Variants in ZNF888 observed in about 807,000 individuals in gnomAD.
ZNF888 encodes the protein CTD-2331H12.6.
A neutral mutation model predicts 7.2 loss-of-function variants in ZNF888; 5 were observed. The observed-to-expected ratio is 0.70, with a 90% CI of 0.36 to 1.46. The LOEUF is 1.46. ZNF888 is among the 40% of genes most tolerant of loss of function. The pLI, the probability that ZNF888 is intolerant of heterozygous loss-of-function variation, is 0.03. For synonymous variants in ZNF888, 240 were observed against 284.3 expected, an observed-to-expected ratio of 0.84 and a Z score of 1.57; for missense variants, 716 against 858.0, an observed-to-expected ratio of 0.83 and a Z score of 2.07.
chr19:52,923,252 C>G, intron 1 of ZNF888, 117 bp downstream of exon 1: 2 of 974,076 alleles, frequency 2.1e-6, no homozygotes, highest in Non-Finnish European at 2.4e-6. Context: ...TCTCCATTTG[C>G]TCTTGTTGAA....
At chr19:52,919,688 C>G (rs564244455) in intron 1 of ZNF888, among the ~76,000 whole-genome samples, 1 of 62,228 alleles carries the variant, frequency 1.6e-5, no homozygotes, top group African/African-American at 5.3e-5. Context: ...GCCTCTTCCC[C>G]GCCGCCATCC....
chr19:52,908,883 A>G (rs1320111583), intron 4 of ZNF888, among the ~76,000 whole-genome samples: 1 of 148,604 alleles, frequency 6.7e-6, no homozygotes. Context: ...TTGGTGGCCC[A>G]CACCAGTAAT....
In ZNF888 at chr19:52,906,221, C is replaced by T; in HGVS notation, c.2101G>A (p.Ala701Thr). 1 of 1,609,808 alleles carries T rather than the reference C, an allele frequency of 6.2e-7. No individual in the cohort carries two copies. Among genetic ancestry groups the T allele is most frequent in the Non-Finnish European group, 8.5e-7 (1 of 1,177,634 alleles). The change falls in exon 5 of 5, where the codon GCA becomes ACA. Residue 701 changes from alanine (A) to threonine (T), a missense_variant. Physicochemically the swap from Ala to Thr is moderately conservative, Grantham distance 58. Coordinates refer to ENST00000638862, the MANE Select transcript of ZNF888 (RefSeq NM_001393938.1). The part of the protein sequence containing the change: ...KCSECGKAFR[A>T]QSTLIHHQAI... The stretch of plus-strand genomic sequence containing the variant: ...TGATGGTGAATAAGTGTTGACTGTG[C>T]ACGAAAGGCTTTGCCACACTCACTA...
Position 52,906,201 on chromosome 19 carries a change from G to A in ZNF888, c.2121C>T (p.His707=). The A allele has an allele frequency of 1.2e-6, 2 of 1,610,626 alleles. No homozygotes were observed. Among genetic ancestry groups the A allele is most frequent in the Non-Finnish European group, 1.7e-6 (2 of 1,178,006 alleles). ...TCCCTACACCATGGATTGCCTGATGGTGAATAAGTGTTGACTGTGCACGAA... is the reference window on the plus strand; with the variant it reads ...TCCCTACACCATGGATTGCCTGATGATGAATAAGTGTTGACTGTGCACGAA... ...KAFRAQSTLI[H]HQAIHGVGKL... is the part of the protein sequence containing the mutation. The change falls in exon 5 of 5, where the codon CAC becomes CAT. Residue 707 remains histidine (H), a synonymous_variant. Coordinates refer to ENST00000638862, the MANE Select transcript of ZNF888 (RefSeq NM_001393938.1).
intron 4 of ZNF888, among the ~76,000 whole-genome samples, chr19:52,908,783 T>TGGTAAAC (rs2064641257): frequency 6.8e-6 from 1 of 147,840 alleles, no homozygotes. Flanking sequence ...GAGGCAAAGG[T>TGGTAAAC]TGCAGTGAGC....
At chr19:52,916,615 C>CATATACATATACATATACATAT (rs374760326) in intron 3 of ZNF888, among the ~76,000 whole-genome samples, 27 of 131,430 alleles carry the variant, frequency 2.1e-4, no homozygotes, top group African/African-American at 7.6e-4. Flanking sequence ...TATACATATA[C>CATATACATATACATATACATAT]ATATATATAT....
chr19:52,911,336 T>A (rs948703689), intron 4 of ZNF888, among the ~76,000 whole-genome samples: 1 of 134,064 alleles, frequency 7.5e-6, no homozygotes, highest in Non-Finnish European at 1.6e-5. Flanking sequence ...CTTTTTGTTT[T>A]CTTTTCTTTT....
intron 4 of ZNF888, among the ~76,000 whole-genome samples, chr19:52,910,018 C>T (rs965897473): frequency 3.3e-5 from 5 of 150,860 alleles, no homozygotes; most frequent in East Asian, 2.0e-4. Flanking sequence ...AAAAATTAGC[C>T]GGGCGTGTAA....
chr19:52,905,444 T>TTAAA lies in ZNF888; in HGVS notation c.*720_*721insTTTA, dbSNP rs535149698. The TTAAA allele has an allele frequency of 6.6e-6, 1 of 150,942 alleles. No homozygotes were observed. Among genetic ancestry groups the TTAAA allele is most frequent in the African/African-American group, 2.6e-5 (1 of 38,128 alleles). 9.4% of individuals were successfully genotyped at this position (150,942 alleles called of 1,614,324 possible). On this transcript the variant is annotated 3_prime_UTR_variant, in exon 5 of 5. Transcript: ENST00000638862. The stretch of plus-strand genomic sequence containing the variant: ...CTCAGCTTGCCTGCACCCAGGTGAT[T>TTAAA]AAAAAAAAAAAAAATCTGTATCTGT...
chr19:52,921,511 T>C (rs1417110441), intron 1 of ZNF888, among the ~76,000 whole-genome samples: 1 of 152,236 alleles, frequency 6.6e-6, no homozygotes, highest in Non-Finnish European at 1.5e-5. Context: ...TTGGTCTTTA[T>C]CACCCCATCC....
At chr19:52,909,370 C>T (rs1012633585) in intron 4 of ZNF888, among the ~76,000 whole-genome samples, 1 of 151,656 alleles carries the variant, frequency 6.6e-6, no homozygotes, top group Non-Finnish European at 1.5e-5. Flanking sequence ...GCCTCAGCCT[C>T]TTGAGTACCT....
intron 1 of ZNF888, among the ~76,000 whole-genome samples, chr19:52,920,938 T>TAAAAAAAAAAAAAAAA (rs145361548): frequency 3.1e-4 from 2 of 6,532 alleles, no homozygotes; most frequent in African/African-American, 3.8e-4. Context: ...CTTCAAATAT[T>TAAAAAAAAAAAAAAAA]AAAAAAAAAA....
chr19:52,906,429 C>T lies in ZNF888; in HGVS notation c.1893G>A (p.Glu631=). Residue 631 remains glutamate (E), a synonymous_variant, in exon 5 of 5, where the codon GAG becomes GAA. Coordinates refer to ENST00000638862, the MANE Select transcript of ZNF888 (RefSeq NM_001393938.1). The part of the protein sequence containing the change: ...LEIHRRVHTG[E]KPYKCRVCDK... The stretch of plus-strand genomic sequence containing the variant: ...CGCAAACCCTACATTTGTATGGTTT[C>T]TCTCCAGTATGAACTCTCCTATGTA... 6.2e-7 allele frequency: 1 copy of T among 1,613,152 alleles called. No homozygotes were observed. Among genetic ancestry groups the T allele is most frequent in the Non-Finnish European group, 8.5e-7 (1 of 1,179,536 alleles).
chr19:52,905,569 C>T lies in ZNF888; in HGVS notation c.*596G>A. ...ACCTCAAGAGATCCACCCACCTTGG[C>T]CTCCCACAGTGCTAGCATTACAGGT... is the stretch of plus-strand genomic sequence containing the variant. On this transcript the variant is annotated 3_prime_UTR_variant, in exon 5 of 5. Coordinates refer to ENST00000638862, the MANE Select transcript of ZNF888 (RefSeq NM_001393938.1). 2 of 259,518 alleles carry T rather than the reference C, an allele frequency of 7.7e-6. No individual in the cohort carries two copies. Among genetic ancestry groups the T allele is most frequent in the South Asian group, 8.6e-5 (2 of 23,362 alleles). The allele number at this position is 259,518 out of a possible 1,614,324, so 16.1% of individuals were successfully genotyped here. A position where few individuals can be genotyped will look rare whatever the true frequency, so the allele number is the denominator to read the frequency against.
chr19:52,915,361 G>C (rs772931901), intron 3 of ZNF888, 39 bp from the exon 4 acceptor site: 1 of 1,612,578 alleles, frequency 6.2e-7, no homozygotes, highest in East Asian at 2.2e-5. Context: ...GGTTATGAGA[G>C]GAGATCTTAT....
chr19:52,907,305 T>C lies in ZNF888; in HGVS notation c.1017A>G (p.Ser339=), dbSNP rs2064622318. Residue 339 remains serine (S), a synonymous_variant, in exon 5 of 5, where the codon TCA becomes TCG. Coordinates refer to ENST00000638862, the MANE Select transcript of ZNF888 (RefSeq NM_001393938.1). ...NECGKVFNQQ[S]NLARHHRVHT... The stretch of plus-strand genomic sequence containing the variant: ...GAACTCTATGATGACGTGCAAGGTT[T>C]GATTGTTGATTAAAAACCTTGCCAC... 1.9e-6 allele frequency: 3 copies of C among 1,613,682 alleles called. No individual in the cohort carries two copies. The highest frequency in any genetic ancestry group is 1.7e-6 in the Non-Finnish European group (2 of 1,179,842).
intron 3 of ZNF888, among the ~76,000 whole-genome samples, chr19:52,916,615 CAT>C (rs67843514): frequency 0.01 from 1,330 of 131,380 alleles, 23 homozygotes; most frequent in African/African-American, 0.036. Flanking sequence ...TATACATATA[CAT>C]ATATATATAT....
chr19:52,906,220 G>T lies in ZNF888; in HGVS notation c.2102C>A (p.Ala701Glu). The T allele has an allele frequency of 6.2e-7, 1 of 1,609,692 alleles. No homozygotes were observed. The highest frequency in any genetic ancestry group is 8.5e-7 in the Non-Finnish European group (1 of 1,177,570). Residue 701 changes from alanine (A) to glutamate (E), a missense_variant, in exon 5 of 5, where the codon GCA (alanine) becomes GAA (glutamate). Around this residue, in one of 2 missense-constraint regions of ZNF888, gnomAD observed 697 missense variants for 803.4 expected, o/e 0.87. Coordinates refer to ENST00000638862, the MANE Select transcript of ZNF888 (RefSeq NM_001393938.1). ...CTGATGGTGAATAAGTGTTGACTGT[G>T]CACGAAAGGCTTTGCCACACTCACT... ...KCSECGKAFRAQSTLIHHQAI... is the reference protein window; with the variant it reads ...KCSECGKAFREQSTLIHHQAI...
chr19:52,907,603 T>C lies in ZNF888; in HGVS notation c.719A>G (p.Lys240Arg). 6.2e-7 allele frequency: 1 copy of C among 1,604,688 alleles called. No homozygotes were observed. The highest frequency in any genetic ancestry group is 1.7e-5 in the Admixed American group (1 of 58,348). Reference protein sequence around the residue: ...KKHQIIHLGEKQYKCDVCGKD... With the variant: ...KKHQIIHLGERQYKCDVCGKD... Reference sequence around the variant, plus strand: ...GCCACATACATCACATTTATATTGTTTCTCTCCTAGATGAATTATCTGATG... The same window carrying C: ...GCCACATACATCACATTTATATTGTCTCTCTCCTAGATGAATTATCTGATG... Residue 240 changes from lysine to arginine, a missense_variant, in exon 5 of 5, where the codon AAA (lysine) becomes AGA (arginine). Coordinates refer to ENST00000638862, the MANE Select transcript of ZNF888 (RefSeq NM_001393938.1).
Sources: gnomAD v4.1 joint callset for allele counts (sites outside exome capture counted in the v4.1 genomes callset) on GRCh38, gnomAD v4.1.1 for gene constraint, gnomAD v4.1.1 regional missense constraint, MANE v1.5 for transcripts, NCBI Gene and HGNC (gene_info 2026-07-23, HGNC 2026-07-21) for gene names.